Variants in BACH1 observed in about 807,000 individuals in gnomAD.
BACH1 encodes the protein transcription regulator protein BACH1.
Under a neutral mutation model 52.9 loss-of-function variants are expected in BACH1, and 35 were observed. The observed-to-expected ratio is 0.66, with a 90% confidence interval of 0.51 to 0.88. The LOEUF is 0.88. Among genes scored for constraint, BACH1 ranks in the 40% least tolerant of loss-of-function variants. The probability of loss-of-function intolerance (pLI) is 0.00; values close to 1 mark genes in which losing one functional copy is unlikely to be tolerated. For missense variants in BACH1, 808 were observed against 872.6 expected (o/e 0.93, Z 0.93); for synonymous variants, 321 against 319.6 (o/e 1.00, Z -0.05).
intron 2 of BACH1, among the ~76,000 whole-genome samples, chr21:29,351,251 C>T (rs958237093): frequency 5.9e-5 from 9 of 152,138 alleles, no homozygotes; most frequent in Admixed American, 1.3e-4. Flanking sequence ...GCAGGTTTCC[C>T]ATGTGATGTG....
At chr21:29,302,657 A>C (rs1305440077) in intron 1 of BACH1, among the ~76,000 whole-genome samples, 1 of 152,238 alleles carries the variant, frequency 6.6e-6, no homozygotes, top group Non-Finnish European at 1.5e-5. Context: ...TGGTTAGAAC[A>C]GTGCCAGCTT....
intron 4 of BACH1, among the ~76,000 whole-genome samples, chr21:29,333,703 T>TCACATG (rs2089011183): frequency 6.6e-6 from 1 of 152,230 alleles, no homozygotes; most frequent in South Asian, 2.1e-4. Context: ...CATAATAGAT[T>TCACATG]CTGGATGGAT....
At chr21:29,342,080 C>T (rs2089120255) in intron 4 of BACH1, among the ~76,000 whole-genome samples, 1 of 152,128 alleles carries the variant, frequency 6.6e-6, no homozygotes. Flanking sequence ...TCATTATTTG[C>T]TATTTTAATG....
At chr21:29,313,867 T>C (rs1454239162) in intron 1 of BACH1, among the ~76,000 whole-genome samples, 1 of 152,118 alleles carries the variant, frequency 6.6e-6, no homozygotes, top group Non-Finnish European at 1.5e-5. Flanking sequence ...TGAGGACTGA[T>C]GGAAATTTTG....
chr21:29,319,424 C>G (rs935976972), intron 1 of BACH1, among the ~76,000 whole-genome samples: 1 of 151,550 alleles, frequency 6.6e-6, no homozygotes, highest in East Asian at 1.9e-4. Context: ...ACTGTTTTTT[C>G]TGAGGTTGGG....
At position 29,324,474 on chromosome 21, in the gene BACH1, T is replaced by C. The variant is rs138640421; in HGVS notation, c.235-1585T>C. Among the ~76,000 whole-genome samples the C allele has an allele frequency of 1.7e-3, 265 of 152,256 alleles. 3 individuals carry two copies. Among genetic ancestry groups the C allele is most frequent in the African/African-American group, 6.2e-3 (257 of 41,542 alleles). On this transcript the variant is annotated intron_variant, in intron 2 of 4. Coordinates refer to ENST00000286800, the MANE Select transcript of BACH1 (RefSeq NM_001186.4). ...CCTCTTAGGATTGATGTTGTTTGAC[T>C]TAGCTGAGATTATCCAGCTTGTGTG...
Position 29,326,747 on chromosome 21 carries a change from C to T in BACH1, c.923C>T (p.Pro308Leu). Residue 308 changes from proline (P) to leucine (L), a missense_variant, in exon 3 of 5, where the codon CCT (proline) becomes CTT (leucine). Pro to Leu is a moderately conservative substitution (Grantham distance 98). Coordinates refer to ENST00000286800, the MANE Select transcript of BACH1 (RefSeq NM_001186.4). ...CCAACTGAAAAATCAGAAGTGACTC[C>T]TTTCCCCCACAATTCTTCCATAGAC... ...QCPTEKSEVT[P>L]FPHNSSIDPH... 6.2e-7 allele frequency: 1 copy of T among 1,614,052 alleles called. No homozygotes were observed. Among genetic ancestry groups the T allele is most frequent in the East Asian group, 2.2e-5 (1 of 44,896 alleles).
chr21:29,331,381 C>T (rs1451879679), intron 4 of BACH1, among the ~76,000 whole-genome samples: 5 of 151,952 alleles, frequency 3.3e-5, no homozygotes, highest in Admixed American at 6.6e-5. Context: ...AAAATAAAAG[C>T]GAAACAAGAC....
chr21:29,360,231 C>T (rs2089263180), intron 2 of BACH1, among the ~76,000 whole-genome samples: 1 of 152,094 alleles, frequency 6.6e-6, no homozygotes, highest in South Asian at 2.1e-4. Flanking sequence ...TCATCATGTA[C>T]CCAAGACTTC....
downstream of BACH1, among the ~76,000 whole-genome samples, chr21:29,349,102 A>G (rs2089188173): frequency 1.3e-5 from 2 of 152,044 alleles, no homozygotes; most frequent in South Asian, 4.1e-4. Flanking sequence ...TCAAAAAAAA[A>G]AAAAAAATCT....
intron 1 of BACH1, 72 bp from the exon 2 acceptor site, chr21:29,321,149 T>G: frequency 1.3e-6 from 1 of 786,458 alleles, no homozygotes; most frequent in Non-Finnish European, 2.1e-6. Flanking sequence ...AGTATGTATC[T>G]TAGCCTGTAT....
chr21:29,342,700 C>T lies in BACH1; in HGVS notation c.2078C>T (p.Ala693Val), dbSNP rs765295900. Reference sequence around the variant, plus strand: ...AGAGGAAACAGTGAGCCTGGCTACGCGCGAGGGCAGGAGTCCCAGCAGATG... The same window carrying T: ...AGAGGAAACAGTGAGCCTGGCTACGTGCGAGGGCAGGAGTCCCAGCAGATG... ...CARGNSEPGY[A>V]RGQESQQMST... The change falls in exon 5 of 5, where the codon GCG becomes GTG. Residue 693 changes from alanine (A) to valine (V), a missense_variant. Ala to Val is a moderately conservative substitution (Grantham distance 64). Coordinates refer to ENST00000286800, the MANE Select transcript of BACH1 (RefSeq NM_001186.4). The T allele has an allele frequency of 9.9e-6, 16 of 1,614,066 alleles. No individual in the cohort carries two copies. Among genetic ancestry groups the T allele is most frequent in the Non-Finnish European group, 1.3e-5 (15 of 1,180,054 alleles).
chr21:29,342,903 A>T lies in BACH1; in HGVS notation c.*70A>T. ...TTTGGCAGCGTCTTGAAAGCCTAATATGACCATCTGTTGCTCAACAATACT... is the reference window on the plus strand; with the variant it reads ...TTTGGCAGCGTCTTGAAAGCCTAATTTGACCATCTGTTGCTCAACAATACT... On this transcript the variant is annotated 3_prime_UTR_variant, in exon 5 of 5. Coordinates refer to ENST00000286800, the MANE Select transcript of BACH1 (RefSeq NM_001186.4). 1.4e-6 allele frequency: 2 copies of T among 1,429,180 alleles called. No individual in the cohort carries two copies. Among genetic ancestry groups the T allele is most frequent in the Non-Finnish European group, 9.4e-7 (1 of 1,060,348 alleles). 88.5% of individuals were successfully genotyped at this position (1,429,180 alleles called of 1,614,324 possible).
chr21:29,329,885 TAAG>T (rs2088961129), intron 4 of BACH1, among the ~76,000 whole-genome samples, 192 bp downstream of exon 4: 1 of 151,568 alleles, frequency 6.6e-6, no homozygotes, highest in African/African-American at 2.4e-5. Flanking sequence ...GTTTTCAAAT[TAAG>T]AATGACTTTA....
chr21:29,338,564 C>T lies in BACH1; in HGVS notation c.1777-3835C>T, dbSNP rs541830209. 2.0e-4 allele frequency among the ~76,000 whole-genome samples: 30 copies of T among 152,062 alleles called. No homozygotes were observed. The East Asian group carries it at 4.6e-3, about 24-fold the overall frequency. ...TAATTTTTTTGTGAAGGTGAGGTTT[C>T]GCTGTGTTGCCCAGGCTCCTCTCAA... On this transcript the variant is annotated intron_variant, in intron 4 of 4. Coordinates refer to ENST00000286800, the MANE Select transcript of BACH1 (RefSeq NM_001186.4).
chr21:29,311,908 T>G (rs886161695), intron 1 of BACH1, among the ~76,000 whole-genome samples: 1 of 152,226 alleles, frequency 6.6e-6, no homozygotes, highest in Admixed American at 6.5e-5. Flanking sequence ...TATTTGTCTA[T>G]TCTAAAAGTT....
chr21:29,346,652 CA>C (rs2089170359), downstream of BACH1, among the ~76,000 whole-genome samples: 2 of 152,156 alleles, frequency 1.3e-5, no homozygotes, highest in Admixed American at 1.3e-4. Flanking sequence ...GGGCAGAGGC[CA>C]GGACAGCCCT....
intron 4 of BACH1, among the ~76,000 whole-genome samples, chr21:29,340,753 T>C (rs2089101578): frequency 6.6e-6 from 1 of 152,172 alleles, no homozygotes; most frequent in Non-Finnish European, 1.5e-5. Context: ...TGGATTGGCT[T>C]CTGAGAGACC....
intron 3 of BACH1, among the ~76,000 whole-genome samples, chr21:29,327,942 T>G (rs1447014250): frequency 6.6e-6 from 1 of 152,260 alleles, no homozygotes; most frequent in Admixed American, 6.5e-5. Flanking sequence ...ATTGGCTGTG[T>G]TCACACATCG....
Sources: allele counts gnomAD v4.1 joint callset (sites outside exome capture counted in the v4.1 genomes callset), GRCh38; gene constraint gnomAD v4.1.1; transcripts MANE v1.5; gene names NCBI Gene and HGNC (gene_info 2026-07-23, HGNC 2026-07-21).